CHEK1: variants seen among roughly 807,000 people sequenced by gnomAD.
CHEK1 encodes the protein checkpoint kinase 1, also known as serine/threonine-protein kinase Chk1.
In CHEK1, 32 loss-of-function variants were observed where a neutral mutation model predicts 60.2. That is an observed-to-expected ratio of 0.53 (90% confidence interval 0.40 to 0.71). The LOEUF (loss-of-function observed/expected upper bound fraction) is 0.71, where lower values mean the gene tolerates loss of function less well. Ranked by LOEUF, CHEK1 falls within the 30% of genes least tolerant of loss-of-function variation. The pLI, the probability that CHEK1 is intolerant of heterozygous loss-of-function variation, is 0.00. For missense variants in CHEK1, 399 were observed against 564.6 expected (o/e 0.71, Z 2.97); for synonymous variants, 179 against 187.2 (o/e 0.96, Z 0.36).
At chr11:125,675,597 TAA>T (rs1311959879) in intron 13 of CHEK1, among the ~76,000 whole-genome samples, 1 of 152,064 alleles carries the variant, frequency 6.6e-6, no homozygotes, top group Non-Finnish European at 1.5e-5. Context: ...AGAGTAAGGG[TAA>T]AGAGGTGTGG....
chr11:125,662,919 T>C (rs1457402899), intron 13 of CHEK1, among the ~76,000 whole-genome samples: 1 of 152,192 alleles, frequency 6.6e-6, no homozygotes, highest in African/African-American at 2.4e-5. Flanking sequence ...TTCTGATAGG[T>C]ATGTAGTAAT....
downstream of CHEK1, chr11:125,657,187 T>TTGTGTGTG (rs3831425): frequency 0.026 from 3,873 of 147,186 alleles, 113 homozygotes; most frequent in East Asian, 0.074. Flanking sequence ...CAACCTATGC[T>TTGTGTGTG]TGTGTGTGTG....
chr11:125,655,006 AG>A (rs1224548885), intron 12 of CHEK1, among the ~76,000 whole-genome samples: 2 of 152,190 alleles, frequency 1.3e-5, no homozygotes, highest in Admixed American at 6.5e-5. Flanking sequence ...TCAGTGCAGT[AG>A]GAACAGTGAT....
At position 125,653,960 on chromosome 11, in the gene CHEK1, C is replaced by A; in HGVS notation, c.1335+113C>A. 1 of 562,156 alleles carries A rather than the reference C, an allele frequency of 1.8e-6. No individual in the cohort carries two copies. The highest frequency in any genetic ancestry group is 3.1e-6 in the Non-Finnish European group (1 of 325,726). 34.8% of individuals were successfully genotyped at this position (562,156 alleles called of 1,614,324 possible). A position where few individuals can be genotyped will look rare whatever the true frequency, so the allele number is the denominator to read the frequency against. The stretch of plus-strand genomic sequence containing the variant: ...TTGTAAATAGGTTACTTGCTTTTTT[C>A]GTTTAATATTATGAGCATGTGTTTT... On this transcript the variant is annotated intron_variant, in intron 12 of 12. Coordinates refer to ENST00000438015, the MANE Select transcript of CHEK1 (RefSeq NM_001114122.3). This position sits in a 1 kb window ranked among gnomAD's most constrained non-coding sequence, Gnocchi z 4.3.
At chr11:125,626,692 G>C in intron 1 of CHEK1, 57 bp from the exon 2 acceptor site, 2 of 1,533,462 alleles carry the variant, frequency 1.3e-6, no homozygotes, top group East Asian at 4.5e-5. Context: ...GCGGGGCTCA[G>C]TGGCTTCACT....
downstream of CHEK1, chr11:125,678,380 G>A: frequency 6.7e-7 from 1 of 1,494,354 alleles, no homozygotes; most frequent in Non-Finnish European, 9.0e-7. Context: ...TTAGGCTAAT[G>A]TTATGAGACT....
Position 125,653,375 on chromosome 11 carries a change from C to T in CHEK1, c.1234-371C>T, listed in dbSNP as rs1246379641. Among the ~76,000 whole-genome samples the T allele has an allele frequency of 2.0e-5, 3 of 152,046 alleles. No individual in the cohort carries two copies. The highest frequency in any genetic ancestry group is 6.5e-5 in the Admixed American group (1 of 15,268). ...GCCTGTAGGCATGCACCACCATGCCCGCTAATTTTTTGGGAATTTTAGTAG... is the reference window on the plus strand; with the variant it reads ...GCCTGTAGGCATGCACCACCATGCCTGCTAATTTTTTGGGAATTTTAGTAG... On this transcript the variant is annotated intron_variant, in intron 11 of 12. Coordinates refer to ENST00000438015, the MANE Select transcript of CHEK1 (RefSeq NM_001114122.3). This position sits in a 1 kb window ranked among gnomAD's most constrained non-coding sequence, Gnocchi z 4.3.
intron 13 of CHEK1, chr11:125,672,369 C>T: frequency 2.1e-6 from 1 of 479,252 alleles, no homozygotes; most frequent in Non-Finnish European, 3.6e-6. Flanking sequence ...AAAAAAAAAT[C>T]AGGAATATTG....
At chr11:125,667,918 T>C (rs1234418936) in intron 13 of CHEK1, among the ~76,000 whole-genome samples, 2 of 152,136 alleles carry the variant, frequency 1.3e-5, no homozygotes, top group Non-Finnish European at 2.9e-5. Context: ...CCACCACACC[T>C]GGCTGATTTT....
Position 125,644,594 on chromosome 11 carries a change from A to T in CHEK1, c.1184A>T (p.Glu395Val). The change falls in exon 11 of 13, where the codon GAG becomes GTG. Residue 395 changes from glutamate to valine, a missense_variant. Around this residue, in one of 2 missense-constraint regions of CHEK1, gnomAD observed 370 missense variants for 494.8 expected, o/e 0.75. Transcript: ENST00000438015. The stretch of plus-strand genomic sequence containing the variant: ...GACAAATCTTATCAATGCCTGAAAG[A>T]GACTTGTGAGAAGTTGGGCTATCAA... ...DADKSYQCLK[E>V]TCEKLGYQWK... The T allele has an allele frequency of 6.2e-7, 1 of 1,614,172 alleles. No individual in the cohort carries two copies.
chr11:125,647,367 C>CA (rs2136039648), intron 11 of CHEK1, among the ~76,000 whole-genome samples: 1 of 150,296 alleles, frequency 6.7e-6, no homozygotes, highest in African/African-American at 2.4e-5. Flanking sequence ...CCTGTGGACT[C>CA]AATTCTTTTA....
At chr11:125,664,783 A>T (rs1288478171) in intron 13 of CHEK1, among the ~76,000 whole-genome samples, 5 of 152,032 alleles carry the variant, frequency 3.3e-5, no homozygotes, top group African/African-American at 1.2e-4. Context: ...TTGATGTAAT[A>T]CTATGTCTGT....
At chr11:125,676,676 C>G (rs1360824729), downstream of CHEK1, among the ~76,000 whole-genome samples, 1 of 152,112 alleles carries the variant, frequency 6.6e-6, no homozygotes, top group Non-Finnish European at 1.5e-5. Context: ...ATCTCTGACC[C>G]TCATTGCTGA....
intron 13 of CHEK1, chr11:125,672,377 T>G: frequency 3.9e-6 from 2 of 514,920 alleles, no homozygotes; most frequent in African/African-American, 2.0e-5. Flanking sequence ...ATCAGGAATA[T>G]TGAGAGAAAG....
chr11:125,626,608 G>T (rs778258987), intron 1 of CHEK1, 141 bp from the exon 2 acceptor site: 1 of 693,332 alleles, frequency 1.4e-6, no homozygotes, highest in Admixed American at 2.5e-5. Context: ...GTGGTTGAAA[G>T]ACTTGGATAA....
chr11:125,642,604 G>A (rs553772808), intron 8 of CHEK1, among the ~76,000 whole-genome samples: 1 of 152,294 alleles, frequency 6.6e-6, no homozygotes, highest in African/African-American at 2.4e-5. Context: ...TTTGGGTACG[G>A]ATCCTGTAGA....
At chr11:125,645,891 C>G (rs892796259) in intron 11 of CHEK1, among the ~76,000 whole-genome samples, 5 of 152,140 alleles carry the variant, frequency 3.3e-5, no homozygotes, top group African/African-American at 1.2e-4. Flanking sequence ...GGAACTGTTA[C>G]TGTGTAGAAA....
chr11:125,643,526 C>A, intron 8 of CHEK1: 1 of 310,178 alleles, frequency 3.2e-6, no homozygotes, highest in Non-Finnish European at 5.9e-6. Flanking sequence ...GTGGTCTGAG[C>A]ATACTCCACA....
downstream of CHEK1, chr11:125,657,187 T>TTGTGTGTGTG (rs3831425): frequency 0.024 from 3,536 of 147,196 alleles, 162 homozygotes; most frequent in African/African-American, 0.082. Context: ...CAACCTATGC[T>TTGTGTGTGTG]TGTGTGTGTG....
Sources: allele counts gnomAD v4.1 joint callset (sites outside exome capture counted in the v4.1 genomes callset), GRCh38; gene constraint gnomAD v4.1.1; regional missense constraint gnomAD v4.1.1; non-coding constraint Gnocchi (gnomAD v3.1); transcripts MANE v1.5; gene names NCBI Gene and HGNC (gene_info 2026-07-23, HGNC 2026-07-21).